Variants in RPGRIP1L observed in about 807,000 individuals in gnomAD.
RPGRIP1L encodes the protein protein fantom.
Under a neutral mutation model 160.4 loss-of-function variants are expected in RPGRIP1L, and 131 were observed. The ratio of observed to expected loss-of-function variants is 0.82; its 90% CI spans 0.71 to 0.94. The LOEUF is 0.94. Among genes scored for constraint, RPGRIP1L ranks in the 40% least tolerant of loss-of-function variants. The pLI, the probability that RPGRIP1L is intolerant of heterozygous loss-of-function variation, is 0.00. For synonymous variants in RPGRIP1L, 510 were observed against 515.8 expected, an observed-to-expected ratio of 0.99 and a Z score of 0.15; for missense variants, 1,522 against 1,535.8, an observed-to-expected ratio of 0.99 and a Z score of 0.15.
At position 53,637,892 on chromosome 16, in the gene RPGRIP1L, C is replaced by CT. The variant is rs763107451; in HGVS notation, c.3061-39dup. 5 of 1,590,796 alleles carry CT rather than the reference C, an allele frequency of 3.1e-6. No homozygotes were observed. In the Admixed American group the frequency reaches 6.7e-5, roughly 21 times the overall value. ...AAGCACACTGGTATATTTATAATTG[C>CT]TTAGATCACATTTTATAGCATTATT... On this transcript the variant is annotated intron_variant, in intron 20 of 26. Transcript: ENST00000647211.
At chr16:53,674,407 T>C (rs1258700150) in intron 7 of RPGRIP1L, among the ~76,000 whole-genome samples, 1 of 152,166 alleles carries the variant, frequency 6.6e-6, no homozygotes, top group African/African-American at 2.4e-5. Context: ...AGATGGCATA[T>C]TCCTGTGGGG....
intron 25 of RPGRIP1L, chr16:53,608,007 A>T (rs2150927671): frequency 2.0e-6 from 2 of 983,450 alleles, no homozygotes; most frequent in South Asian, 9.4e-5. Flanking sequence ...GGATGGACAC[A>T]GGGGGCAGAT....
At chr16:53,657,893 T>C (rs1967402559) in intron 12 of RPGRIP1L, among the ~76,000 whole-genome samples, 1 of 152,142 alleles carries the variant, frequency 6.6e-6, no homozygotes, top group Non-Finnish European at 1.5e-5. Context: ...AATAGTTACT[T>C]TATGACATAT....
intron 19 of RPGRIP1L, 41 bp from the exon 20 acceptor site, chr16:53,638,452 T>C: frequency 9.2e-7 from 1 of 1,085,854 alleles, no homozygotes; most frequent in Non-Finnish European, 1.4e-6. Context: ...TCATTTTTTA[T>C]TTATTACTAA....
chr16:53,606,627 T>G lies in RPGRIP1L; in HGVS notation c.3702-1013A>C, dbSNP rs376114156. 7.9e-5 allele frequency among the ~76,000 whole-genome samples: 12 copies of G among 152,200 alleles called. No homozygotes were observed. The East Asian group carries it at 2.1e-3, about 27-fold the overall frequency. On this transcript the variant is annotated intron_variant, in intron 25 of 26. Transcript: ENST00000647211. Reference sequence around the variant, plus strand: ...AAGAATTTTTTTGTTTGTTGTGTTTTTTTTGAGATGGAGTCTCGCTCTGTC... The same window carrying G: ...AAGAATTTTTTTGTTTGTTGTGTTTGTTTTGAGATGGAGTCTCGCTCTGTC...
At chr16:53,681,311 G>A (rs1341321745) in intron 6 of RPGRIP1L, among the ~76,000 whole-genome samples, 1 of 152,094 alleles carries the variant, frequency 6.6e-6, no homozygotes, top group East Asian at 1.9e-4. Flanking sequence ...AAAACACTTA[G>A]TACAAACTAG....
intron 5 of RPGRIP1L, among the ~76,000 whole-genome samples, chr16:53,686,801 A>G (rs1454224530): frequency 6.6e-6 from 1 of 152,184 alleles, no homozygotes; most frequent in Non-Finnish European, 1.5e-5. Context: ...GTCCTAGGCA[A>G]TGGATTGGAC....
intron 22 of RPGRIP1L, chr16:53,635,385 A>G (rs950410117): frequency 1.3e-5 from 2 of 152,202 alleles, no homozygotes; most frequent in Non-Finnish European, 2.9e-5. Flanking sequence ...TATCAAGAAC[A>G]GAAACGATGG....
At chr16:53,630,665 A>T (rs1354567303) in intron 22 of RPGRIP1L, among the ~76,000 whole-genome samples, 1 of 152,202 alleles carries the variant, frequency 6.6e-6, no homozygotes, top group African/African-American at 2.4e-5. Context: ...AGCATAAAAA[A>T]TAGTTTTAAA....
At position 53,602,059 on chromosome 16, in the gene RPGRIP1L, C is replaced by T; in HGVS notation, c.*17G>A. The T allele has an allele frequency of 6.8e-7, 1 of 1,461,614 alleles. No homozygotes were observed. The highest frequency in any genetic ancestry group is 9.6e-7 in the Non-Finnish European group (1 of 1,043,060). 90.5% of individuals were successfully genotyped at this position (1,461,614 alleles called of 1,614,324 possible). On this transcript the variant is annotated 3_prime_UTR_variant, in exon 27 of 27. Coordinates refer to ENST00000647211, the MANE Select transcript of RPGRIP1L (RefSeq NM_015272.5). Reference sequence around the variant, plus strand: ...GCATTTACTGAGGAGTAGGAGATGCCTCTGGAGCATTTGCTTTCAAGCCTC... The same window carrying T: ...GCATTTACTGAGGAGTAGGAGATGCTTCTGGAGCATTTGCTTTCAAGCCTC...
At chr16:53,625,917 C>T (rs1028663947) in intron 22 of RPGRIP1L, among the ~76,000 whole-genome samples, 5 of 151,710 alleles carry the variant, frequency 3.3e-5, no homozygotes, top group Admixed American at 2.6e-4. Flanking sequence ...GCAAGATGTG[C>T]TTTGTTAAAC....
At chr16:53,689,211 T>C (rs902896473) in intron 4 of RPGRIP1L, among the ~76,000 whole-genome samples, 1 of 152,074 alleles carries the variant, frequency 6.6e-6, no homozygotes, top group Non-Finnish European at 1.5e-5. Context: ...GTATTTAGGA[T>C]ATCCATCACC....
Position 53,630,565 on chromosome 16 carries a change from ATGG to A in RPGRIP1L, c.3294+5871_3294+5873del, listed in dbSNP as rs1965456724. 2.0e-5 allele frequency among the ~76,000 whole-genome samples: 3 copies of A among 152,284 alleles called. No homozygotes were observed. In the South Asian group the frequency reaches 6.2e-4, roughly 32 times the overall value. On this transcript the variant is annotated intron_variant, in intron 22 of 26. Transcript: ENST00000647211. ...TAAATAAATATAGTATAGCCATATAATGGAATATTATAGGTATGTTGAAAGAAA... is the reference window on the plus strand; with the variant it reads ...TAAATAAATATAGTATAGCCATATAAAATATTATAGGTATGTTGAAAGAAA...
At position 53,656,658 on chromosome 16, in the gene RPGRIP1L, T is replaced by G. The variant is rs1381197101; in HGVS notation, c.1582-69A>C. 2.7e-6 allele frequency: 3 copies of G among 1,123,378 alleles called. No homozygotes were observed. The African/African-American group carries it at 4.6e-5, about 17-fold the overall frequency. The allele number at this position is 1,123,378 out of a possible 1,614,324, so 69.6% of individuals were successfully genotyped here. A position where few individuals can be genotyped will look rare whatever the true frequency, so the allele number is the denominator to read the frequency against. ...CTATTTTCATTATTCAAAGCAACTA[T>G]GATTCAAGCATTTTCTAGATCCTGG... On this transcript the variant is annotated intron_variant, in intron 13 of 26. Transcript: ENST00000647211.
rs985101054 is a variant in RPGRIP1L, at chr16:53,598,466, G to C, written c.*3610C>G. On this transcript the variant is annotated 3_prime_UTR_variant, in exon 27 of 27. Coordinates refer to ENST00000647211, the MANE Select transcript of RPGRIP1L (RefSeq NM_015272.5). ...TGGGTCCAATTTTCCAGGCGGTCAGGCTGGAGGGTGCAGTCCACTGGTGGC... is the reference window on the plus strand; with the variant it reads ...TGGGTCCAATTTTCCAGGCGGTCAGCCTGGAGGGTGCAGTCCACTGGTGGC... The C allele has an allele frequency of 1.3e-5, 2 of 152,208 alleles. No individual in the cohort carries two copies. The highest frequency in any genetic ancestry group is 4.8e-5 in the African/African-American group (2 of 41,456). 9.4% of individuals were successfully genotyped at this position (152,208 alleles called of 1,614,324 possible).
chr16:53,651,734 T>C (rs992297609), intron 15 of RPGRIP1L, among the ~76,000 whole-genome samples: 6 of 152,178 alleles, frequency 3.9e-5, no homozygotes, highest in African/African-American at 1.4e-4. Flanking sequence ...AACTGTTCTG[T>C]ATTGCCTGTA....
At chr16:53,609,389 C>T (rs1279243283) in intron 25 of RPGRIP1L, among the ~76,000 whole-genome samples, 1 of 152,208 alleles carries the variant, frequency 6.6e-6, no homozygotes, top group Non-Finnish European at 1.5e-5. Context: ...TGAGCCACCA[C>T]ACCTGGCCTT....
chr16:53,682,604 G>A (rs1032151850), intron 6 of RPGRIP1L, among the ~76,000 whole-genome samples: 24 of 152,150 alleles, frequency 1.6e-4, no homozygotes, highest in African/African-American at 5.5e-4. Flanking sequence ...AGCAATCCTT[G>A]ATAACCTTGT....
chr16:53,614,885 A>ATCT (rs1466680682), intron 24 of RPGRIP1L, among the ~76,000 whole-genome samples: 2 of 152,206 alleles, frequency 1.3e-5, no homozygotes, highest in Middle Eastern at 3.2e-3. Context: ...ACTTTAGTTG[A>ATCT]TCTTCAGTCA....
Sources: allele counts gnomAD v4.1 joint callset (sites outside exome capture counted in the v4.1 genomes callset), GRCh38; gene constraint gnomAD v4.1.1; transcripts MANE v1.5; gene names NCBI Gene and HGNC (gene_info 2026-07-23, HGNC 2026-07-21).